Variants in NEK1 observed in about 807,000 individuals in gnomAD.
NEK1 encodes serine/threonine-protein kinase Nek1.
NEK1 carries 137 observed loss-of-function variants against 182.1 expected under a neutral mutation model. That is an observed-to-expected ratio of 0.75 (90% CI 0.65 to 0.87). The LOEUF is 0.87. NEK1 is among the 40% of genes least tolerant of loss of function. The probability of loss-of-function intolerance (pLI) is 0.00; values close to 1 mark genes in which losing one functional copy is unlikely to be tolerated. For synonymous variants in NEK1, 513 were observed against 492.2 expected (o/e 1.04, Z -0.56); for missense variants, 1,391 against 1,494.4 (o/e 0.93, Z 1.14).
rs1277516973 is a variant in NEK1, at chr4:169,463,333, TC to T, written c.2496del (p.Ser834ValfsTer7). 1 of 1,610,442 alleles carries T rather than the reference TC, an allele frequency of 6.2e-7. No individual in the cohort carries two copies. The highest frequency in any genetic ancestry group is 8.5e-7 in the Non-Finnish European group (1 of 1,177,792). On this transcript the variant is annotated frameshift_variant, in exon 27 of 36. Transcript: ENST00000507142. LOFTEE classifies it high-confidence loss of function. ...TTTAGAACAGAATCTGTCGGACTTT[TC>T]CCCCAGGCTCTTCTTGGAGATCCAT... Reference protein sequence around the residue: ...GPNGSPRRAWGKSPTDSVLKI... With the variant: ...GPNGSPRRAWXKSPTDSVLKI...
At chr4:169,606,008 G>A (rs545083773) in intron 2 of NEK1, among the ~76,000 whole-genome samples, 14 of 152,002 alleles carry the variant, frequency 9.2e-5, no homozygotes, top group East Asian at 7.7e-4. Flanking sequence ...CTAGAAACAC[G>A]AAAGATTTAA....
chr4:169,417,929 G>C (rs1734814121), intron 31 of NEK1, among the ~76,000 whole-genome samples: 1 of 152,118 alleles, frequency 6.6e-6, no homozygotes, highest in Non-Finnish European at 1.5e-5. Flanking sequence ...CAGGGAGGTA[G>C]AACTAGAAAA....
intron 28 of NEK1, among the ~76,000 whole-genome samples, chr4:169,435,966 T>C (rs1738335532): frequency 6.6e-6 from 1 of 152,236 alleles, no homozygotes; most frequent in Admixed American, 6.5e-5. Context: ...CAGGCTGGCA[T>C]GCTCATGGCT....
intron 12 of NEK1, 171 bp downstream of exon 12, chr4:169,576,757 G>T: frequency 1.8e-6 from 1 of 545,414 alleles, no homozygotes; most frequent in Non-Finnish European, 3.2e-6. Flanking sequence ...GACTTTTTAT[G>T]ACTCCTGTAA....
chr4:169,601,864 A>G (rs898058229), intron 4 of NEK1, 144 bp downstream of exon 4: 8 of 597,452 alleles, frequency 1.3e-5, no homozygotes, highest in African/African-American at 1.3e-4. Flanking sequence ...TGCAGGCATG[A>G]TATCAGTATT....
At chr4:169,489,343 G>A (rs1451573953) in intron 23 of NEK1, among the ~76,000 whole-genome samples, 1 of 152,054 alleles carries the variant, frequency 6.6e-6, no homozygotes, top group Non-Finnish European at 1.5e-5. Context: ...TCAGCAGGAT[G>A]GCAAATTACA....
intron 11 of NEK1, among the ~76,000 whole-genome samples, chr4:169,579,108 AAAAG>A (rs1249785624): frequency 1.3e-5 from 2 of 152,242 alleles, no homozygotes; most frequent in Non-Finnish European, 2.9e-5. Flanking sequence ...CTTTCCAGAG[AAAAG>A]AAAGAATTAC....
At chr4:169,496,155 CTT>C (rs1751226962) in intron 23 of NEK1, among the ~76,000 whole-genome samples, 1 of 152,158 alleles carries the variant, frequency 6.6e-6, no homozygotes, top group African/African-American at 2.4e-5. Flanking sequence ...ATTTTATACT[CTT>C]TGAAGCAATT....
At chr4:169,416,659 T>C (rs1734591714) in intron 31 of NEK1, among the ~76,000 whole-genome samples, 1 of 152,200 alleles carries the variant, frequency 6.6e-6, no homozygotes, top group African/African-American at 2.4e-5. Flanking sequence ...ATTCCAGCAC[T>C]ATTGAGAGGT....
At chr4:169,584,281 A>G (rs1455845529) in intron 10 of NEK1, among the ~76,000 whole-genome samples, 3 of 152,148 alleles carry the variant, frequency 2.0e-5, no homozygotes, top group Admixed American at 2.0e-4. Flanking sequence ...ATTTCCTATC[A>G]AAAAGAATAT....
intron 24 of NEK1, among the ~76,000 whole-genome samples, chr4:169,478,895 A>C (rs1747467030): frequency 6.6e-6 from 1 of 152,148 alleles, no homozygotes; most frequent in Admixed American, 6.6e-5. Flanking sequence ...TTGTTTTACT[A>C]TCTGTAGGGC....
rs1242400046 is a variant in NEK1, at chr4:169,507,727, GA to G, written c.1898del (p.Ile633ThrfsTer4). ...SEEADMRRKK[I>X]ESLKAHANAR... The stretch of plus-strand genomic sequence containing the variant: ...TTCTAGTCTATACCTTCAGTGATTC[GA>G]TTTTTTTGCGCCTCATGTCAGCCTC... On this transcript the variant is annotated frameshift_variant, in exon 22 of 36. Coordinates refer to ENST00000507142, the MANE Select transcript of NEK1 (RefSeq NM_001199397.3). LOFTEE classifies it high-confidence loss of function. 1 of 1,611,980 alleles carries G rather than the reference GA, an allele frequency of 6.2e-7. No homozygotes were observed. The highest frequency in any genetic ancestry group is 8.5e-7 in the Non-Finnish European group (1 of 1,178,906).
intron 12 of NEK1, among the ~76,000 whole-genome samples, chr4:169,564,936 C>A (rs571775227): frequency 2.0e-5 from 3 of 152,230 alleles, no homozygotes; most frequent in African/African-American, 7.2e-5. Flanking sequence ...GGTACTAAAT[C>A]TCACACCTGA....
intron 27 of NEK1, among the ~76,000 whole-genome samples, chr4:169,444,627 G>A (rs1022748306): frequency 6.6e-6 from 1 of 152,242 alleles, no homozygotes; most frequent in African/African-American, 2.4e-5. Context: ...CAACTACAGG[G>A]AGAGATAGAC....
chr4:169,532,619 A>G (rs1029727609), intron 19 of NEK1, among the ~76,000 whole-genome samples: 1 of 152,122 alleles, frequency 6.6e-6, no homozygotes, highest in Admixed American at 6.5e-5. Flanking sequence ...TTTTGCCACA[A>G]ACCTAAAACT....
chr4:169,410,195 A>ATT (rs61096140), intron 31 of NEK1, among the ~76,000 whole-genome samples: 2 of 150,282 alleles, frequency 1.3e-5, no homozygotes, highest in Non-Finnish European at 3.0e-5. Context: ...CATGTACAGT[A>ATT]TTTTTTTTTT....
chr4:169,556,174 A>G, intron 16 of NEK1, 79 bp from the exon 17 acceptor site: 1 of 1,281,500 alleles, frequency 7.8e-7, no homozygotes, highest in Non-Finnish European at 1.1e-6. Flanking sequence ...AAGAAAAAGT[A>G]AATTTCAATG....
At chr4:169,550,353 C>T (rs879391704) in intron 18 of NEK1, among the ~76,000 whole-genome samples, 2 of 152,162 alleles carry the variant, frequency 1.3e-5, no homozygotes, top group African/African-American at 4.8e-5. Flanking sequence ...ATTACCCAGT[C>T]TCGGGTATGA....
At chr4:169,488,805 T>C (rs1156332787) in intron 23 of NEK1, among the ~76,000 whole-genome samples, 3 of 152,188 alleles carry the variant, frequency 2.0e-5, no homozygotes, top group African/African-American at 4.8e-5. Flanking sequence ...CAATATAACA[T>C]CTAGATTATG....
Sources: gnomAD v4.1 joint callset for allele counts (sites outside exome capture counted in the v4.1 genomes callset) on GRCh38, gnomAD v4.1.1 for gene constraint, MANE v1.5 for transcripts, NCBI Gene and HGNC (gene_info 2026-07-23, HGNC 2026-07-21) for gene names.